The following OR6C4 variants were observed in gnomAD, a reference collection of about 807,000 sequenced individuals.
The protein encoded by OR6C4 is olfactory receptor 6C4.
In OR6C4, 20 loss-of-function variants were observed where a neutral mutation model predicts 15.1. The observed-to-expected ratio is 1.32, with a 90% confidence interval of 0.93 to 1.92. The LOEUF (loss-of-function observed/expected upper bound fraction) is 1.92, where lower values mean the gene tolerates loss of function less well. Among genes scored for constraint, OR6C4 ranks in the 30% most tolerant of loss-of-function variants. The pLI, the probability that OR6C4 is intolerant of heterozygous loss-of-function variation, is 0.00. For missense variants in OR6C4, 491 were observed against 363.2 expected, an observed-to-expected ratio of 1.35 and a Z score of -2.86; for synonymous variants, 179 against 134.2, an observed-to-expected ratio of 1.33 and a Z score of -2.31.
rs1873958456 is a variant in OR6C4, at chr12:55,554,292, A to C, written c.*2136A>C. On this transcript the variant is annotated 3_prime_UTR_variant, in exon 2 of 2. Coordinates refer to ENST00000641569, the MANE Select transcript of OR6C4 (RefSeq NM_001005494.2). ...ATGTATTAACATGCTGAGACAAGGAAGGAAGGTACTTTGTGTAAGTTAATG... is the reference window on the plus strand; with the variant it reads ...ATGTATTAACATGCTGAGACAAGGACGGAAGGTACTTTGTGTAAGTTAATG... 6.6e-6 allele frequency: 1 copy of C among 152,190 alleles called. No individual in the cohort carries two copies. The highest frequency in any genetic ancestry group is 2.4e-5 in the African/African-American group (1 of 41,448). The allele number at this position is 152,190 out of a possible 1,614,324, so 9.4% of individuals were successfully genotyped here.
Position 55,553,986 on chromosome 12 carries a change from A to G in OR6C4, c.*1830A>G, listed in dbSNP as rs1873947697. ...CATCTATTATAACTATATTATAAAC[A>G]ATATATTTTTCAAGGAACTGGAGCT... On this transcript the variant is annotated 3_prime_UTR_variant, in exon 2 of 2. Coordinates refer to ENST00000641569, the MANE Select transcript of OR6C4 (RefSeq NM_001005494.2). The G allele has an allele frequency of 6.6e-6, 1 of 152,214 alleles. No homozygotes were observed. Among genetic ancestry groups the G allele is most frequent in the Non-Finnish European group, 1.5e-5 (1 of 68,036 alleles). 9.4% of individuals were successfully genotyped at this position (152,214 alleles called of 1,614,324 possible).
rs1039851303 is a variant in OR6C4, at chr12:55,551,843, T to A, written c.617T>A (p.Met206Lys). The change falls in exon 2 of 2, where the codon ATG (methionine) becomes AAG (lysine). Residue 206 changes from methionine (M) to lysine (K), a missense_variant. Met to Lys is a moderately conservative substitution (Grantham distance 95, BLOSUM62 -1). Transcript: ENST00000641569. ...ATCCTCTTGGCCGTTGTGACTCTCA[T>A]GGTTACTCTGGTGCTGGTGACACTT... ...MVILLAVVTL[M>K]VTLVLVTLSY... is the part of the protein sequence containing the mutation. 1 of 1,613,834 alleles carries A rather than the reference T, an allele frequency of 6.2e-7. No homozygotes were observed. Among genetic ancestry groups the A allele is most frequent in the Admixed American group, 1.7e-5 (1 of 59,892 alleles).
Position 55,552,371 on chromosome 12 carries a change from G to C in OR6C4, c.*215G>C. On this transcript the variant is annotated 3_prime_UTR_variant, in exon 2 of 2. Transcript: ENST00000641569. ...CAAAATAATATTTTAATTGTTATTA[G>C]AGAAGAGTGAATGGGGATCTGAAAA... is the stretch of plus-strand genomic sequence containing the variant. 2.4e-6 allele frequency: 1 copy of C among 417,630 alleles called. No homozygotes were observed. The highest frequency in any genetic ancestry group is 4.2e-6 in the Non-Finnish European group (1 of 238,640). The allele number at this position is 417,630 out of a possible 1,614,324, so 25.9% of individuals were successfully genotyped here.
Position 55,551,290 on chromosome 12 carries a change from C to T in OR6C4, c.64C>T (p.Gln22Ter), listed in dbSNP as rs759290442. Residue 22 changes from glutamine (Q) to a stop codon, truncating the protein, a stop_gained, in exon 2 of 2, where the codon CAA (glutamine) becomes TAA (stop). Coordinates refer to ENST00000641569, the MANE Select transcript of OR6C4 (RefSeq NM_001005494.2). LOFTEE classifies it high-confidence loss of function. ...GGGCCTTACAAATCAACCTGAACTC[C>T]AAGTGATGATATTCATCTTTCTGTT... ...LLGLTNQPEL[Q>*]VMIFIFLFLT... 6.2e-6 allele frequency: 10 copies of T among 1,613,372 alleles called. No individual in the cohort carries two copies. The highest frequency in any genetic ancestry group is 6.8e-6 in the Non-Finnish European group (8 of 1,179,686).
At position 55,554,141 on chromosome 12, in the gene OR6C4, T is replaced by C. The variant is rs1873952724; in HGVS notation, c.*1985T>C. Reference sequence around the variant, plus strand: ...ACTCTCCACACATCCAGCTGCATGCTGGGTAGCTGGGTCAGCAAAGATCTT... The same window carrying C: ...ACTCTCCACACATCCAGCTGCATGCCGGGTAGCTGGGTCAGCAAAGATCTT... On this transcript the variant is annotated 3_prime_UTR_variant, in exon 2 of 2. Coordinates refer to ENST00000641569, the MANE Select transcript of OR6C4 (RefSeq NM_001005494.2). 6.6e-6 allele frequency: 1 copy of C among 152,132 alleles called. No homozygotes were observed. The highest frequency in any genetic ancestry group is 2.4e-5 in the African/African-American group (1 of 41,430). The allele number at this position is 152,132 out of a possible 1,614,324, so 9.4% of individuals were successfully genotyped here. A position where few individuals can be genotyped will look rare whatever the true frequency, so the allele number is the denominator to read the frequency against.
chr12:55,552,938 T>A lies in OR6C4; in HGVS notation c.*782T>A, dbSNP rs1318025163. 2 of 152,114 alleles carry A rather than the reference T, an allele frequency of 1.3e-5. No homozygotes were observed. Among genetic ancestry groups the A allele is most frequent in the African/African-American group, 2.4e-5 (1 of 41,454 alleles). The allele number at this position is 152,114 out of a possible 1,614,324, so 9.4% of individuals were successfully genotyped here. On this transcript the variant is annotated 3_prime_UTR_variant, in exon 2 of 2. Coordinates refer to ENST00000641569, the MANE Select transcript of OR6C4 (RefSeq NM_001005494.2). ...TTTAAGTTAATGGCATGAGATCTGT[T>A]TTCTCTCTCTTTGATAGTTTCTGGT... is the stretch of plus-strand genomic sequence containing the variant.
chr12:55,551,133 G>C (rs933665444), intron 1 of OR6C4, 76 bp from the exon 2 acceptor site: 1 of 934,116 alleles, frequency 1.1e-6, no homozygotes, highest in Non-Finnish European at 1.7e-6. Context: ...ACCTGATTCT[G>C]TTCATTAAGA....
At position 55,551,460 on chromosome 12, in the gene OR6C4, A is replaced by G; in HGVS notation, c.234A>G (p.Arg78=). The G allele has an allele frequency of 6.2e-7, 1 of 1,613,658 alleles. No individual in the cohort carries two copies. Among genetic ancestry groups the G allele is most frequent in the Non-Finnish European group, 8.5e-7 (1 of 1,179,888 alleles). Residue 78 remains arginine (R), a synonymous_variant, in exon 2 of 2, where the codon AGA becomes AGG. Coordinates refer to ENST00000641569, the MANE Select transcript of OR6C4 (RefSeq NM_001005494.2). ...EISFTSIFIP[R]FLTSMTTGNK... is the part of the protein sequence containing the mutation. ...CCTTCACATCCATTTTTATTCCCAG[A>G]TTTCTGACCAGCATGACAACAGGAA...
At chr12:55,551,136 C>A (rs986642437) in intron 1 of OR6C4, 73 bp from the exon 2 acceptor site, 2 of 954,180 alleles carry the variant, frequency 2.1e-6, no homozygotes, top group African/African-American at 3.3e-5. Context: ...TGATTCTGTT[C>A]ATTAAGATAA....
Position 55,551,299 on chromosome 12 carries a change from A to G in OR6C4, c.73A>G (p.Ile25Val), listed in dbSNP as rs757977501. 11 of 1,613,642 alleles carry G rather than the reference A, an allele frequency of 6.8e-6. No individual in the cohort carries two copies. Among genetic ancestry groups the G allele is most frequent in the Non-Finnish European group, 8.5e-6 (10 of 1,179,714 alleles). ...LTNQPELQVM[I>V]FIFLFLTYML... is the part of the protein sequence containing the mutation. ...AAATCAACCTGAACTCCAAGTGATG[A>G]TATTCATCTTTCTGTTCCTCACCTA... The change falls in exon 2 of 2, where the codon ATA becomes GTA. Residue 25 changes from isoleucine to valine, a missense_variant. Ile to Val is a conservative substitution (Grantham distance 29). Coordinates refer to ENST00000641569, the MANE Select transcript of OR6C4 (RefSeq NM_001005494.2).
rs1254345763 is a variant in OR6C4, at chr12:55,553,792, T to A, written c.*1636T>A. Reference sequence around the variant, plus strand: ...TTAGTTCAAATCCCAGATTTTCAACTTTCTACCAAAGTTACCTGGGGATAG... The same window carrying A: ...TTAGTTCAAATCCCAGATTTTCAACATTCTACCAAAGTTACCTGGGGATAG... On this transcript the variant is annotated 3_prime_UTR_variant, in exon 2 of 2. Coordinates refer to ENST00000641569, the MANE Select transcript of OR6C4 (RefSeq NM_001005494.2). The A allele has an allele frequency of 2.0e-5, 3 of 152,160 alleles. No homozygotes were observed. Among genetic ancestry groups the A allele is most frequent in the Non-Finnish European group, 4.4e-5 (3 of 68,036 alleles). 9.4% of individuals were successfully genotyped at this position (152,160 alleles called of 1,614,324 possible).
At position 55,551,564 on chromosome 12, in the gene OR6C4, T is replaced by C. The variant is rs1873862504; in HGVS notation, c.338T>C (p.Leu113Pro). ...CTTGGAGCTACCGAGTTTTACCTCC[T>C]GGCCTCCATGTCTTATGATCGTTAT... is the stretch of plus-strand genomic sequence containing the variant. ...IFLGATEFYL[L>P]ASMSYDRYVA... Residue 113 changes from leucine to proline, a missense_variant, in exon 2 of 2, where the codon CTG becomes CCG. Leu to Pro is a moderately conservative substitution (Grantham distance 98). Transcript: ENST00000641569. 1 of 1,614,016 alleles carries C rather than the reference T, an allele frequency of 6.2e-7. No homozygotes were observed. Among genetic ancestry groups the C allele is most frequent in the African/African-American group, 1.3e-5 (1 of 75,054 alleles).
At chr12:55,550,784 G>T (rs1565719221) in intron 1 of OR6C4, among the ~76,000 whole-genome samples, 1 of 152,112 alleles carries the variant, frequency 6.6e-6, no homozygotes, top group Non-Finnish European at 1.5e-5. Context: ...AAATAGTGCA[G>T]AGAAAGGAAA....
Position 55,552,645 on chromosome 12 carries a change from C to T in OR6C4, c.*489C>T, listed in dbSNP as rs1873907736. 6.6e-6 allele frequency: 1 copy of T among 152,230 alleles called. No homozygotes were observed. Among genetic ancestry groups the T allele is most frequent in the Non-Finnish European group, 1.5e-5 (1 of 68,142 alleles). The allele number at this position is 152,230 out of a possible 1,614,324, so 9.4% of individuals were successfully genotyped here. A position where few individuals can be genotyped will look rare whatever the true frequency, so the allele number is the denominator to read the frequency against. On this transcript the variant is annotated 3_prime_UTR_variant, in exon 2 of 2. Transcript: ENST00000641569. ...GCATGGAGCCCTGGAGACTATGTTT[C>T]CATCGAGGAGTGAATAATTTTTCTT...
chr12:55,553,138 T>A lies in OR6C4; in HGVS notation c.*982T>A, dbSNP rs767806809. 2 of 152,140 alleles carry A rather than the reference T, an allele frequency of 1.3e-5. No homozygotes were observed. Among genetic ancestry groups the A allele is most frequent in the African/African-American group, 2.4e-5 (1 of 41,448 alleles). 9.4% of individuals were successfully genotyped at this position (152,140 alleles called of 1,614,324 possible). ...TTTATAAAGTAAAAAGAATATAAAG[T>A]GTCAATGCAATCTTATATCTAGAAT... On this transcript the variant is annotated 3_prime_UTR_variant, in exon 2 of 2. Coordinates refer to ENST00000641569, the MANE Select transcript of OR6C4 (RefSeq NM_001005494.2).
chr12:55,555,260 C>G lies in OR6C4; in HGVS notation c.*3104C>G, dbSNP rs750270310. 7 of 152,090 alleles carry G rather than the reference C, an allele frequency of 4.6e-5. No individual in the cohort carries two copies. The highest frequency in any genetic ancestry group is 8.8e-5 in the Non-Finnish European group (6 of 68,036). 9.4% of individuals were successfully genotyped at this position (152,090 alleles called of 1,614,324 possible). ...CCAAGTAGTATACATTGGACCTAAG[C>G]TGTAGTTTTTTTATCCCTAGCCCCC... On this transcript the variant is annotated 3_prime_UTR_variant, in exon 2 of 2. Coordinates refer to ENST00000641569, the MANE Select transcript of OR6C4 (RefSeq NM_001005494.2).
Position 55,552,059 on chromosome 12 carries a change from C to T in OR6C4, c.833C>T (p.Ser278Leu). The change falls in exon 2 of 2, where the codon TCG (serine) becomes TTG (leucine). Residue 278 changes from serine to leucine, a missense_variant. Coordinates refer to ENST00000641569, the MANE Select transcript of OR6C4 (RefSeq NM_001005494.2). ...FNKGIAVLIT[S>L]VTPLLNPFIY... ...AAAGGAATAGCTGTACTCATTACTTCGGTTACTCCCTTACTGAATCCCTTC... is the reference window on the plus strand; with the variant it reads ...AAAGGAATAGCTGTACTCATTACTTTGGTTACTCCCTTACTGAATCCCTTC... 1.2e-6 allele frequency: 2 copies of T among 1,613,154 alleles called. No homozygotes were observed. Among genetic ancestry groups the T allele is most frequent in the East Asian group, 2.2e-5 (1 of 44,842 alleles).
Position 55,551,437 on chromosome 12 carries a change from T to C in OR6C4, c.211T>C (p.Phe71Leu), listed in dbSNP as rs760311572. ...GAATTTCTCCTTCTTAGAAATTTCC[T>C]TCACATCCATTTTTATTCCCAGATT... Reference protein sequence around the residue: ...LRNFSFLEISFTSIFIPRFLT... With the variant: ...LRNFSFLEISLTSIFIPRFLT... The change falls in exon 2 of 2, where the codon TTC becomes CTC. Residue 71 changes from phenylalanine (F) to leucine (L), a missense_variant. Phe to Leu is a conservative substitution (Grantham distance 22). Coordinates refer to ENST00000641569, the MANE Select transcript of OR6C4 (RefSeq NM_001005494.2). The C allele has an allele frequency of 1.2e-6, 2 of 1,613,862 alleles. No homozygotes were observed. The highest frequency in any genetic ancestry group is 1.7e-6 in the Non-Finnish European group (2 of 1,179,938).
Position 55,555,502 on chromosome 12 carries a change from G to A in OR6C4, c.*3346G>A. On this transcript the variant is annotated 3_prime_UTR_variant, in exon 2 of 2. Transcript: ENST00000641569. ...ATTCTTTTGTTCCTTTCCAGGCCAGGTGCAGTGGCTCTTGCCTGTAATCCC... is the reference window on the plus strand; with the variant it reads ...ATTCTTTTGTTCCTTTCCAGGCCAGATGCAGTGGCTCTTGCCTGTAATCCC... 2 of 152,330 alleles carry A rather than the reference G, an allele frequency of 1.3e-5. No homozygotes were observed. Among genetic ancestry groups the A allele is most frequent in the Middle Eastern group, 3.4e-3 (1 of 294 alleles). 9.4% of individuals were successfully genotyped at this position (152,330 alleles called of 1,614,324 possible).
Sources: gnomAD v4.1 joint callset for allele counts (sites outside exome capture counted in the v4.1 genomes callset) on GRCh38, gnomAD v4.1.1 for gene constraint, MANE v1.5 for transcripts, NCBI Gene and HGNC (gene_info 2026-07-23, HGNC 2026-07-21) for gene names.